The following BIN1 variants were observed in gnomAD, a reference collection of about 807,000 sequenced individuals.
The protein encoded by BIN1 is bridging integrator 1.
Under a neutral mutation model 82.0 loss-of-function variants are expected in BIN1, and 53 were observed. The ratio of observed to expected loss-of-function variants is 0.65; its 90% CI spans 0.52 to 0.81. The LOEUF (loss-of-function observed/expected upper bound fraction) is 0.81. Ranked by LOEUF, BIN1 falls within the 40% of genes least tolerant of loss-of-function variation. The pLI is 0.00. For synonymous variants in BIN1, 302 were observed against 328.0 expected (o/e 0.92, Z 0.86); for missense variants, 642 against 784.4 (o/e 0.82, Z 2.17).
At chr2:127,052,148 C>T (rs796993274) in intron 15 of BIN1, 107 bp downstream of exon 15, 4 of 1,178,658 alleles carry the variant, frequency 3.4e-6, no homozygotes, top group Non-Finnish European at 4.9e-6. Flanking sequence ...ACCCTCACAT[C>T]CATGGTGGCC....
In BIN1 at chr2:127,094,566, C is replaced by T. The variant is rs184603588; in HGVS notation, c.84+12294G>A. Among the ~76,000 whole-genome samples, 28 of 152,334 alleles carry T rather than the reference C, an allele frequency of 1.8e-4. 1 individual carries two copies. The East Asian group carries it at 5.4e-3, about 29-fold the overall frequency. On this transcript the variant is annotated intron_variant, in intron 1 of 18. Transcript: ENST00000316724. ...GAGCTCCGGTCCCTCTGTCTCTCCC[C>T]GCATGGCTCAGGCACACAGTCTAAG...
At position 127,070,110 on chromosome 2, in the gene BIN1, G is replaced by T; in HGVS notation, c.316-20C>A. ...GTTGTTCTGAGACAGGCAAGAGCACGACAGTGCCACCAGGAGGGCTGGGCC... is the reference window on the plus strand; with the variant it reads ...GTTGTTCTGAGACAGGCAAGAGCACTACAGTGCCACCAGGAGGGCTGGGCC... On this transcript the variant is annotated intron_variant, in intron 4 of 18. Coordinates refer to ENST00000316724, the MANE Select transcript of BIN1 (RefSeq NM_139343.3). The T allele has an allele frequency of 1.2e-6, 2 of 1,609,374 alleles. No individual in the cohort carries two copies. The highest frequency in any genetic ancestry group is 2.2e-5 in the South Asian group (2 of 90,872).
chr2:127,050,899 G>C lies in BIN1; in HGVS notation c.1475C>G (p.Ala492Gly). The change falls in exon 17 of 19, where the codon GCT becomes GGT. Residue 492 changes from alanine (A) to glycine (G), a missense_variant. Physicochemically the swap from Ala to Gly is moderately conservative, Grantham distance 60 (BLOSUM62 0). Transcript: ENST00000316724. ...TGCTGGGAAGGTCTCCACCACGACA[G>C]CAGGAAGAGAGCTCTGGTGGCAGAG... ...ASEAASSSLP[A>G]VVVETFPATV... 6.2e-7 allele frequency: 1 copy of C among 1,614,028 alleles called. No individual in the cohort carries two copies. Among genetic ancestry groups the C allele is most frequent in the Non-Finnish European group, 8.5e-7 (1 of 1,180,018 alleles).
chr2:127,090,618 T>G lies in BIN1; in HGVS notation c.85-13912A>C, dbSNP rs1447535728. Among the ~76,000 whole-genome samples the G allele has an allele frequency of 6.6e-6, 1 of 152,182 alleles. No individual in the cohort carries two copies. Among genetic ancestry groups the G allele is most frequent in the African/African-American group, 2.4e-5 (1 of 41,452 alleles). On this transcript the variant is annotated intron_variant, in intron 1 of 18. Coordinates refer to ENST00000316724, the MANE Select transcript of BIN1 (RefSeq NM_139343.3). This position sits in a 1 kb window ranked among gnomAD's most constrained non-coding sequence, Gnocchi z 6.4. ...CCTCCCACCCTCATCACCTGCTTCC[T>G]GAGCTCAGTGGGGGAACAGCCTGTG... is the stretch of plus-strand genomic sequence containing the variant.
At position 127,068,937 on chromosome 2, in the gene BIN1, G is replaced by T. The variant is rs775335446; in HGVS notation, c.506C>A (p.Ala169Asp). Residue 169 changes from alanine (A) to aspartate (D), a missense_variant, in exon 6 of 19, where the codon GCC (alanine) becomes GAC (aspartate). By Grantham distance (126) the Ala-to-Asp change is moderately radical. Transcript: ENST00000316724. This position sits in a 1 kb window ranked among gnomAD's most constrained non-coding sequence, Gnocchi z 4.9. Reference sequence around the variant, plus strand: ...TCCAGCCCTTACCTTGGCAATTTTGGCTTCATCCTTCTTTTTGGCAGTTTG... The same window carrying T: ...TCCAGCCCTTACCTTGGCAATTTTGTCTTCATCCTTCTTTTTGGCAGTTTG... ...SLQTAKKKDE[A>D]KIAKPVSLLE... 5 of 1,614,012 alleles carry T rather than the reference G, an allele frequency of 3.1e-6. No individual in the cohort carries two copies. Among genetic ancestry groups the T allele is most frequent in the Non-Finnish European group, 4.2e-6 (5 of 1,179,986 alleles).
chr2:127,061,989 G>T, intron 10 of BIN1, 126 bp downstream of exon 10: 1 of 1,052,366 alleles, frequency 9.5e-7, no homozygotes, highest in South Asian at 1.4e-5. Flanking sequence ...GCCAAGACAG[G>T]AAGGTCCCTA....
At chr2:127,087,533 C>CTCTGTGAGTGA (rs1678339262) in intron 1 of BIN1, among the ~76,000 whole-genome samples, 1 of 152,192 alleles carries the variant, frequency 6.6e-6, no homozygotes, top group African/African-American at 2.4e-5. Flanking sequence ...GAGCACACAG[C>CTCTGTGAGTGA]GTGAGTGGAG....
chr2:127,051,239 G>A lies in BIN1; in HGVS notation c.1376C>T (p.Ala459Val). Residue 459 changes from alanine to valine, a missense_variant, in exon 16 of 19, where the codon GCA becomes GTA. Transcript: ENST00000316724. ...QTAEPGPAQP[A>V]EASEVAGGTQ... Reference sequence around the variant, plus strand: ...CCCACCCGCCACCTCCGAGGCCTCTGCTGGCTGCAACATAAATGCCGGCTT... The same window carrying A: ...CCCACCCGCCACCTCCGAGGCCTCTACTGGCTGCAACATAAATGCCGGCTT... The A allele has an allele frequency of 6.2e-7, 1 of 1,613,762 alleles. No homozygotes were observed. Among genetic ancestry groups the A allele is most frequent in the South Asian group, 1.1e-5 (1 of 91,082 alleles).
At chr2:127,104,405 TCA>T (rs1434643464) in intron 1 of BIN1, among the ~76,000 whole-genome samples, 1 of 152,108 alleles carries the variant, frequency 6.6e-6, no homozygotes, top group Non-Finnish European at 1.5e-5. Flanking sequence ...ACTGTCACCC[TCA>T]CAGTCTGGAT....
intron 1 of BIN1, among the ~76,000 whole-genome samples, chr2:127,086,332 T>C (rs988345156): frequency 6.6e-6 from 1 of 152,194 alleles, no homozygotes; most frequent in East Asian, 1.9e-4. Context: ...ACACTCCATC[T>C]TGCTTTGATC....
At chr2:127,071,239 G>A (rs1685854021) in intron 2 of BIN1, among the ~76,000 whole-genome samples, 3 of 152,198 alleles carry the variant, frequency 2.0e-5, no homozygotes, top group Non-Finnish European at 4.4e-5. Context: ...CAGGTGTGGT[G>A]ACCACCAGGC....
chr2:127,078,905 C>T (rs1283977066), intron 1 of BIN1, among the ~76,000 whole-genome samples: 1 of 137,892 alleles, frequency 7.3e-6, no homozygotes, highest in Non-Finnish European at 1.5e-5. Context: ...TAGAAAAGAA[C>T]TCCCAGAAGT....
intron 1 of BIN1, among the ~76,000 whole-genome samples, chr2:127,105,039 G>A (rs1043200317): frequency 3.9e-5 from 6 of 152,234 alleles, no homozygotes; most frequent in African/African-American, 9.6e-5. Flanking sequence ...CCAACTGCCC[G>A]TGGCCACAGA....
rs1406716458 is a variant in BIN1, at chr2:127,057,607, G to T, written c.1003-6C>A. The T allele has an allele frequency of 1.6e-5, 25 of 1,517,826 alleles. No individual in the cohort carries two copies. The highest frequency in any genetic ancestry group is 2.1e-5 in the Non-Finnish European group (24 of 1,126,558). 94.0% of individuals were successfully genotyped at this position (1,517,826 alleles called of 1,614,324 possible). Reference sequence around the variant, plus strand: ...ACTGGTGGGCCTTTCCGGAGCTGTGGGTCGGCGGCGGGTGAGGGGCCGCGC... The same window carrying T: ...ACTGGTGGGCCTTTCCGGAGCTGTGTGTCGGCGGCGGGTGAGGGGCCGCGC... On this transcript the variant is annotated splice_region_variant and splice_polypyrimidine_tract_variant and intron_variant, in intron 11 of 18. Coordinates refer to ENST00000316724, the MANE Select transcript of BIN1 (RefSeq NM_139343.3). This position sits in a 1 kb window ranked among gnomAD's most constrained non-coding sequence, Gnocchi z 5.0.
At chr2:127,061,626 C>T (rs1468025342) in intron 10 of BIN1, among the ~76,000 whole-genome samples, 4 of 152,222 alleles carry the variant, frequency 2.6e-5, no homozygotes, top group Non-Finnish European at 4.4e-5. Context: ...CTGGGATTCC[C>T]GGAGGGGCTG....
In BIN1 at chr2:127,055,166, CA is replaced by C. The variant is rs3834110; in HGVS notation, c.1132-1155del. On this transcript the variant is annotated intron_variant, in intron 12 of 18. Coordinates refer to ENST00000316724, the MANE Select transcript of BIN1 (RefSeq NM_139343.3). The stretch of plus-strand genomic sequence containing the variant: ...ACTCTTGACAGGCACCGGACACTGA[CA>C]GGGGCGCCCTCCCACCCGGCCTCCA... 139 of 152,578 alleles carry C rather than the reference CA, an allele frequency of 9.1e-4. 1 individual carries two copies. The Middle Eastern group carries it at 0.014, about 15-fold the overall frequency. The allele number at this position is 152,578 out of a possible 1,614,324, so 9.5% of individuals were successfully genotyped here.
Position 127,068,931 on chromosome 2 carries a change from AT to A in BIN1, c.511del (p.Ile171LeufsTer25). 4 of 1,614,068 alleles carry A rather than the reference AT, an allele frequency of 2.5e-6. No individual in the cohort carries two copies. Among genetic ancestry groups the A allele is most frequent in the Non-Finnish European group, 3.4e-6 (4 of 1,179,954 alleles). On this transcript the variant is annotated frameshift_variant, in exon 6 of 19. Transcript: ENST00000316724. LOFTEE classifies it high-confidence loss of function. This position sits in a 1 kb window ranked among gnomAD's most constrained non-coding sequence, Gnocchi z 4.9. ...CCCGCCTCCAGCCCTTACCTTGGCA[AT>A]TTTGGCTTCATCCTTCTTTTTGGCA... is the stretch of plus-strand genomic sequence containing the variant. ...QTAKKKDEAK[I>X]AKPVSLLEKA... is the part of the protein sequence containing the mutation.
At chr2:127,048,027 T>G, downstream of BIN1, 1 of 196,748 alleles carries the variant, frequency 5.1e-6, no homozygotes, top group Non-Finnish European at 1.1e-5. Context: ...TACACACACG[T>G]TTTCTGAGAG....
At chr2:127,091,092 T>C (rs1468129113) in intron 1 of BIN1, among the ~76,000 whole-genome samples, 2 of 152,214 alleles carry the variant, frequency 1.3e-5, no homozygotes, top group African/African-American at 2.4e-5. Context: ...ACGGGAGGTA[T>C]GTGTTTATCT....
Sources: allele counts gnomAD v4.1 joint callset (sites outside exome capture counted in the v4.1 genomes callset), GRCh38; gene constraint gnomAD v4.1.1; non-coding constraint Gnocchi (gnomAD v3.1); transcripts MANE v1.5; gene names NCBI Gene and HGNC (gene_info 2026-07-23, HGNC 2026-07-21).